The following DLG2 variants were observed in gnomAD, a reference collection of about 807,000 sequenced individuals.
DLG2 encodes the protein disks large homolog 2.
In DLG2, 45 loss-of-function variants were observed where a neutral mutation model predicts 132.5. That is an observed-to-expected ratio of 0.34 (90% CI 0.27 to 0.44). The LOEUF is 0.44. Among genes scored for constraint, DLG2 ranks in the 20% least tolerant of loss-of-function variants. The probability of loss-of-function intolerance (pLI) is 1.00; values close to 1 mark genes in which losing one functional copy is unlikely to be tolerated. For synonymous variants in DLG2, 424 were observed against 419.6 expected (o/e 1.01, Z -0.13); for missense variants, 1,045 against 1,196.9 (o/e 0.87, Z 1.87).
At chr11:84,215,363 A>C (rs1309091641) in intron 8 of DLG2, among the ~76,000 whole-genome samples, 1 of 152,120 alleles carries the variant, frequency 6.6e-6, no homozygotes, top group Non-Finnish European at 1.5e-5. Context: ...TTTCTGGATT[A>C]ATCAGGATAG....
rs538857805 is a variant in DLG2 at position 83,755,799 on chromosome 11, G to A, written c.1825+30891C>T. 1.5e-3 allele frequency among the ~76,000 whole-genome samples: 222 copies of A among 151,378 alleles called. 10 individuals carry two copies. Among genetic ancestry groups the A allele is most frequent in the African/African-American group, 5.2e-3 (212 of 40,744 alleles). Reference sequence around the variant, plus strand: ...AGGAAGTGACTATGGCGGTTACTACGCAATTAAGGTTAAGAGAATACAGAT... The same window carrying A: ...AGGAAGTGACTATGGCGGTTACTACACAATTAAGGTTAAGAGAATACAGAT... On this transcript the variant is annotated intron_variant, in intron 18 of 27. Coordinates refer to ENST00000376104, the MANE Select transcript of DLG2 (RefSeq NM_001142699.3).
At chr11:85,127,143 C>T (rs972204666) in intron 5 of DLG2, among the ~76,000 whole-genome samples, 1 of 152,070 alleles carries the variant, frequency 6.6e-6, no homozygotes, top group Non-Finnish European at 1.5e-5. Flanking sequence ...TCTATCTCTG[C>T]ATCCTCTATA....
At chr11:84,870,555 C>T (rs767360030) in intron 6 of DLG2, among the ~76,000 whole-genome samples, 10 of 152,110 alleles carry the variant, frequency 6.6e-5, no homozygotes, top group Non-Finnish European at 1.0e-4. Context: ...TCCTATTGAT[C>T]ACTTCTGAAT....
intron 18 of DLG2, among the ~76,000 whole-genome samples, chr11:83,684,109 C>A (rs1299149789): frequency 6.6e-6 from 1 of 152,100 alleles, no homozygotes; most frequent in Non-Finnish European, 1.5e-5. Flanking sequence ...TATACACTTA[C>A]AGCCACTAAG....
intron 9 of DLG2, among the ~76,000 whole-genome samples, chr11:84,147,292 G>A (rs1395699766): frequency 6.6e-6 from 1 of 152,082 alleles, no homozygotes; most frequent in African/African-American, 2.4e-5. Flanking sequence ...GTGTGACCAG[G>A]GGTACTATGA....
At chr11:84,524,677 A>G (rs2099314637) in intron 7 of DLG2, among the ~76,000 whole-genome samples, 1 of 152,218 alleles carries the variant, frequency 6.6e-6, no homozygotes. Context: ...TAGAAATGAA[A>G]GGATTTTACA....
At chr11:85,029,535 G>A (rs1390682765) in intron 6 of DLG2, among the ~76,000 whole-genome samples, 1 of 152,176 alleles carries the variant, frequency 6.6e-6, no homozygotes, top group Non-Finnish European at 1.5e-5. Flanking sequence ...AATTCTCAGT[G>A]CTAGCAAATA....
At chr11:84,000,466 G>T (rs1301605993) in intron 11 of DLG2, among the ~76,000 whole-genome samples, 2 of 151,980 alleles carry the variant, frequency 1.3e-5, no homozygotes, top group African/African-American at 4.8e-5. Context: ...AATATTGCAT[G>T]AAAACTTCCC....
intron 6 of DLG2, among the ~76,000 whole-genome samples, chr11:84,702,280 G>A (rs918131205): frequency 1.3e-5 from 2 of 151,588 alleles, no homozygotes; most frequent in African/African-American, 2.4e-5. Flanking sequence ...TCTGACAGCA[G>A]TAACAGTGGT....
intron 6 of DLG2, among the ~76,000 whole-genome samples, chr11:84,861,284 G>T (rs1407226534): frequency 6.6e-6 from 1 of 152,012 alleles, no homozygotes; most frequent in Non-Finnish European, 1.5e-5. Context: ...GTTTGTTCAC[G>T]GGCCTGAGAG....
intron 6 of DLG2, among the ~76,000 whole-genome samples, chr11:84,630,933 A>G (rs565676230): frequency 6.6e-6 from 1 of 150,676 alleles, no homozygotes; most frequent in Admixed American, 6.6e-5. Flanking sequence ...TTCAGGAAAT[A>G]TGACGCCAAT....
intron 3 of DLG2, among the ~76,000 whole-genome samples, chr11:85,322,680 T>C (rs911888378): frequency 3.9e-5 from 6 of 152,200 alleles, no homozygotes; most frequent in Non-Finnish European, 8.8e-5. Flanking sequence ...CACTAGTATT[T>C]CTTACATCCA....
chr11:83,846,917 C>A (rs1262130288), intron 16 of DLG2, among the ~76,000 whole-genome samples: 3 of 125,026 alleles, frequency 2.4e-5, no homozygotes, highest in Admixed American at 8.1e-5. Flanking sequence ...CATAACCATA[C>A]CTTCTAATCA....
intron 6 of DLG2, among the ~76,000 whole-genome samples, chr11:85,027,745 GAAC>G (rs2060656070): frequency 6.6e-6 from 1 of 152,198 alleles, no homozygotes; most frequent in Non-Finnish European, 1.5e-5. Context: ...TGGATAAGGG[GAAC>G]ACAGTGGCAC....
At chr11:84,069,604 C>G (rs548794008) in intron 10 of DLG2, among the ~76,000 whole-genome samples, 1 of 152,294 alleles carries the variant, frequency 6.6e-6, no homozygotes, top group Non-Finnish European at 1.5e-5. Context: ...GGTTTATGAT[C>G]CATAGAAGCC....
chr11:83,762,496 A>G (rs2093949770), intron 18 of DLG2, among the ~76,000 whole-genome samples: 1 of 152,214 alleles, frequency 6.6e-6, no homozygotes, highest in Non-Finnish European at 1.5e-5. Flanking sequence ...GATTTTGTCA[A>G]CACATGTTTG....
intron 21 of DLG2, 35 bp downstream of exon 21, chr11:83,532,673 G>T: frequency 6.3e-7 from 1 of 1,588,264 alleles, no homozygotes; most frequent in South Asian, 1.1e-5. Flanking sequence ...CATGGCAACT[G>T]AGAGAACTTG....
At chr11:83,702,320 T>A (rs995812688) in intron 18 of DLG2, among the ~76,000 whole-genome samples, 2 of 152,190 alleles carry the variant, frequency 1.3e-5, no homozygotes, top group Non-Finnish European at 2.9e-5. Context: ...TACTTAACAA[T>A]GGTATGAACT....
At chr11:84,794,573 C>G (rs2074302994) in intron 6 of DLG2, among the ~76,000 whole-genome samples, 1 of 152,236 alleles carries the variant, frequency 6.6e-6, no homozygotes, top group Non-Finnish European at 1.5e-5. Flanking sequence ...CAGGATGCAG[C>G]TGCAGCCACC....
Sources: allele counts gnomAD v4.1 joint callset (sites outside exome capture counted in the v4.1 genomes callset), GRCh38; gene constraint gnomAD v4.1.1; transcripts MANE v1.5; gene names NCBI Gene and HGNC (gene_info 2026-07-23, HGNC 2026-07-21).